GTF2H5: variants seen among roughly 807,000 people sequenced by gnomAD.
GTF2H5 encodes the protein TFB5 ortholog.
In GTF2H5, 5 loss-of-function variants were observed where a neutral mutation model predicts 7.1. The ratio of observed to expected loss-of-function variants is 0.71; its 90% CI spans 0.37 to 1.49. The LOEUF (loss-of-function observed/expected upper bound fraction) is 1.49. GTF2H5 is among the 40% of genes most tolerant of loss of function. The probability of loss-of-function intolerance (pLI) is 0.03; values close to 1 mark genes in which losing one functional copy is unlikely to be tolerated. For missense variants in GTF2H5, 80 were observed against 83.0 expected, an observed-to-expected ratio of 0.96 and a Z score of 0.14; for synonymous variants, 30 against 31.7, an observed-to-expected ratio of 0.95 and a Z score of 0.18.
rs919806672 is a variant in GTF2H5, at chr6:158,195,709, A to G, written c.*3552A>G. ...ACTCTATTTTGCAGTTATACAATAA[A>G]TCTTACTTAGCTGACAACTAGGAGT... On this transcript the variant is annotated 3_prime_UTR_variant, in exon 3 of 3. Coordinates refer to ENST00000607778, the MANE Select transcript of GTF2H5 (RefSeq NM_207118.3). 6.6e-6 allele frequency: 1 copy of G among 152,216 alleles called. No homozygotes were observed. 9.4% of individuals were successfully genotyped at this position (152,216 alleles called of 1,614,324 possible). A position where few individuals can be genotyped will look rare whatever the true frequency, so the allele number is the denominator to read the frequency against.
chr6:158,171,500 A>G (rs1237785227), intron 2 of GTF2H5, among the ~76,000 whole-genome samples: 3 of 152,260 alleles, frequency 2.0e-5, no homozygotes, highest in Non-Finnish European at 4.4e-5. Flanking sequence ...GAAAATAGCC[A>G]GTGAGGCTGG....
chr6:158,191,608 AAGT>A (rs1172018584), intron 2 of GTF2H5, among the ~76,000 whole-genome samples: 1 of 151,458 alleles, frequency 6.6e-6, no homozygotes, highest in African/African-American at 2.4e-5. Context: ...TCAGCCTCCC[AAGT>A]AGCTGGGACT....
intron 2 of GTF2H5, among the ~76,000 whole-genome samples, chr6:158,180,404 T>G (rs978473011): frequency 6.6e-6 from 1 of 152,204 alleles, no homozygotes; most frequent in African/African-American, 2.4e-5. Context: ...TAGGGAGGAT[T>G]CCCTCTTTTT....
intron 1 of GTF2H5, among the ~76,000 whole-genome samples, chr6:158,169,170 G>A (rs1785699189): frequency 6.7e-6 from 1 of 148,214 alleles, no homozygotes; most frequent in Admixed American, 7.0e-5. Flanking sequence ...GGAGGCAGAG[G>A]TTGCAGTGAG....
intron 2 of GTF2H5, among the ~76,000 whole-genome samples, chr6:158,190,082 T>C (rs74675755): frequency 3.9e-5 from 6 of 152,064 alleles, no homozygotes; most frequent in East Asian, 3.9e-4. Context: ...TTTTTTTTTT[T>C]AGTAGAGTCA....
intron 2 of GTF2H5, among the ~76,000 whole-genome samples, chr6:158,174,226 C>T (rs1785899588): frequency 6.6e-6 from 1 of 152,090 alleles, no homozygotes; most frequent in Admixed American, 6.5e-5. Flanking sequence ...ATTCCAGTCC[C>T]ATCATTGTAT....
chr6:158,169,652 TAC>T (rs377500273), intron 1 of GTF2H5, among the ~76,000 whole-genome samples: 3,261 of 53,176 alleles, frequency 0.061, 622 homozygotes, highest in African/African-American at 0.12. Flanking sequence ...TATTGTATAT[TAC>T]ATATAATATA....
chr6:158,169,146 A>ATT (rs1380121425), intron 1 of GTF2H5, among the ~76,000 whole-genome samples: 2 of 149,566 alleles, frequency 1.3e-5, no homozygotes, highest in Non-Finnish European at 3.0e-5. Flanking sequence ...AGGCAGGAGA[A>ATT]TCGCTTGAGC....
chr6:158,186,974 T>G (rs1776936343), intron 2 of GTF2H5, among the ~76,000 whole-genome samples: 2 of 147,830 alleles, frequency 1.4e-5, no homozygotes, highest in South Asian at 4.2e-4. Context: ...TGTTTTGTTT[T>G]GTGTTTTGTT....
intron 2 of GTF2H5, among the ~76,000 whole-genome samples, chr6:158,175,913 G>A (rs1465819458): frequency 6.6e-6 from 1 of 152,096 alleles, no homozygotes; most frequent in Non-Finnish European, 1.5e-5. Context: ...AGTGATTCAG[G>A]GAAATGACAC....
chr6:158,174,973 C>T (rs73581468), intron 2 of GTF2H5, among the ~76,000 whole-genome samples: 9,137 of 145,200 alleles, frequency 0.063, 931 homozygotes, highest in African/African-American at 0.22. Flanking sequence ...GGGCCATGTT[C>T]GCTGAAGTTT....
chr6:158,176,520 C>T (rs1336990190), intron 2 of GTF2H5, among the ~76,000 whole-genome samples: 2 of 152,170 alleles, frequency 1.3e-5, no homozygotes, highest in East Asian at 3.8e-4. Context: ...CCATTGCGCC[C>T]AGCCTATGTT....
intron 2 of GTF2H5, 104 bp downstream of exon 2, chr6:158,170,642 T>G: frequency 1.2e-6 from 1 of 851,812 alleles, no homozygotes; most frequent in Non-Finnish European, 2.0e-6. Flanking sequence ...ATGGATGAAA[T>G]CAAGTCTTTC....
chr6:158,191,958 C>G lies in GTF2H5; in HGVS notation c.36-19C>G. 2 of 1,603,426 alleles carry G rather than the reference C, an allele frequency of 1.2e-6. No individual in the cohort carries two copies. Among genetic ancestry groups the G allele is most frequent in the Non-Finnish European group, 1.7e-6 (2 of 1,170,218 alleles). ...ATTTGACAACAAGCTGTCTTACAAT[C>G]ATGTGTTTGTCTTTACAGTGATCCT... On this transcript the variant is annotated intron_variant, in intron 2 of 2. Coordinates refer to ENST00000607778, the MANE Select transcript of GTF2H5 (RefSeq NM_207118.3).
rs1482658412 is a variant in GTF2H5 at position 158,198,773 on chromosome 6, T to A, written c.*6616T>A. 1 of 152,212 alleles carries A rather than the reference T, an allele frequency of 6.6e-6. No individual in the cohort carries two copies. Among genetic ancestry groups the A allele is most frequent in the Non-Finnish European group, 1.5e-5 (1 of 68,046 alleles). The allele number at this position is 152,212 out of a possible 1,614,324, so 9.4% of individuals were successfully genotyped here. A position where few individuals can be genotyped will look rare whatever the true frequency, so the allele number is the denominator to read the frequency against. ...AGCGTTCTCTCGGCTCATCTCTTGT[T>A]TTCTCACCCAGCTGTTCTTCTTCTA... On this transcript the variant is annotated 3_prime_UTR_variant, in exon 3 of 3. Transcript: ENST00000607778.
intron 2 of GTF2H5, among the ~76,000 whole-genome samples, chr6:158,182,301 C>A (rs973855958): frequency 2.6e-5 from 4 of 152,196 alleles, no homozygotes; most frequent in Non-Finnish European, 1.5e-5. Context: ...TCTGACTGCC[C>A]TTAACATTTT....
At chr6:158,169,432 G>GTATATTTTA (rs1785729647) in intron 1 of GTF2H5, among the ~76,000 whole-genome samples, 1 of 56,914 alleles carries the variant, frequency 1.8e-5, no homozygotes, top group Non-Finnish European at 2.8e-5. Context: ...ATAATATATT[G>GTATATTTTA]TATATTATAT....
Position 158,194,525 on chromosome 6 carries a change from G to A in GTF2H5, c.*2368G>A, listed in dbSNP as rs1361215599. On this transcript the variant is annotated 3_prime_UTR_variant, in exon 3 of 3. Transcript: ENST00000607778. ...ATAAGATGTCAGGTGTGGGGGCTCT[G>A]CCAGACACAAACTCAAGGCTTTATG... 7 of 152,240 alleles carry A rather than the reference G, an allele frequency of 4.6e-5. No individual in the cohort carries two copies. Among genetic ancestry groups the A allele is most frequent in the South Asian group, 2.1e-4 (1 of 4,832 alleles). 9.4% of individuals were successfully genotyped at this position (152,240 alleles called of 1,614,324 possible). A position where few individuals can be genotyped will look rare whatever the true frequency, so the allele number is the denominator to read the frequency against.
At position 158,198,879 on chromosome 6, in the gene GTF2H5, C is replaced by T. The variant is rs1777153547; in HGVS notation, c.*6722C>T. The T allele has an allele frequency of 6.6e-6, 1 of 152,102 alleles. No homozygotes were observed. Among genetic ancestry groups the T allele is most frequent in the Non-Finnish European group, 1.5e-5 (1 of 68,036 alleles). 9.4% of individuals were successfully genotyped at this position (152,102 alleles called of 1,614,324 possible). A position where few individuals can be genotyped will look rare whatever the true frequency, so the allele number is the denominator to read the frequency against. On this transcript the variant is annotated 3_prime_UTR_variant, in exon 3 of 3. Transcript: ENST00000607778. ...AAATTTTAAAACTTCTTAATGTTGC[C>T]TGGAATACATGAGTCTTCCTGATCT...
Sources: allele counts gnomAD v4.1 joint callset (sites outside exome capture counted in the v4.1 genomes callset), GRCh38; gene constraint gnomAD v4.1.1; transcripts MANE v1.5; gene names NCBI Gene and HGNC (gene_info 2026-07-23, HGNC 2026-07-21).